The following ADAMTS17 variants were observed in gnomAD, a reference collection of about 807,000 sequenced individuals.
ADAMTS17 encodes the protein A disintegrin and metalloproteinase with thrombospondin motifs 17.
A neutral mutation model predicts 141.5 loss-of-function variants in ADAMTS17; 113 were observed. The observed-to-expected ratio is 0.80, with a 90% confidence interval of 0.69 to 0.93. The LOEUF (loss-of-function observed/expected upper bound fraction) is 0.93. Ranked by LOEUF, ADAMTS17 falls within the 40% of genes least tolerant of loss-of-function variation. The pLI, the probability that ADAMTS17 is intolerant of heterozygous loss-of-function variation, is 0.00. For synonymous variants in ADAMTS17, 768 were observed against 630.6 expected (o/e 1.22, Z -3.27); for missense variants, 1,659 against 1,517.9 (o/e 1.09, Z -1.54).
At position 100,264,783 on chromosome 15, in the gene ADAMTS17, G is replaced by C. The variant is rs141743155; in HGVS notation, c.790-2348C>G. On this transcript the variant is annotated intron_variant, in intron 4 of 21. Transcript: ENST00000268070. ...CTAAAAAGGTGAGAGATGGAAGGGGGATGGGAAAGTTTCGTGTTCCAGGGG... is the reference window on the plus strand; with the variant it reads ...CTAAAAAGGTGAGAGATGGAAGGGGCATGGGAAAGTTTCGTGTTCCAGGGG... Among the ~76,000 whole-genome samples the C allele has an allele frequency of 4.7e-4, 71 of 152,144 alleles. No homozygotes were observed. The East Asian group carries it at 0.011, about 24-fold the overall frequency.
intron 8 of ADAMTS17, among the ~76,000 whole-genome samples, chr15:100,186,875 G>C (rs1467465855): frequency 2.0e-5 from 3 of 152,172 alleles, no homozygotes; most frequent in Non-Finnish European, 4.4e-5. Context: ...TTTCCTATAA[G>C]CAATATTAAT....
rs550520808 is a variant in ADAMTS17 at position 100,126,854 on chromosome 15, C to G, written c.1721+5153G>C. Among the ~76,000 whole-genome samples the G allele has an allele frequency of 3.3e-5, 5 of 152,302 alleles. No homozygotes were observed. The East Asian group carries it at 7.7e-4, about 24-fold the overall frequency. Reference sequence around the variant, plus strand: ...CTGTCCCGGGCCTGCACAGAGCTCTCAGCTCAAAGGCCAGTGGGGAGGACA... The same window carrying G: ...CTGTCCCGGGCCTGCACAGAGCTCTGAGCTCAAAGGCCAGTGGGGAGGACA... On this transcript the variant is annotated intron_variant, in intron 12 of 21. Coordinates refer to ENST00000268070, the MANE Select transcript of ADAMTS17 (RefSeq NM_139057.4).
chr15:100,291,423 C>T (rs2044621050), intron 3 of ADAMTS17, among the ~76,000 whole-genome samples: 2 of 152,166 alleles, frequency 1.3e-5, no homozygotes, highest in Non-Finnish European at 2.9e-5. Flanking sequence ...GTTTCAGCTA[C>T]TATGAAAATA....
chr15:100,060,794 C>G (rs1459197556), intron 15 of ADAMTS17, among the ~76,000 whole-genome samples: 2 of 152,240 alleles, frequency 1.3e-5, no homozygotes, highest in Non-Finnish European at 2.9e-5. Flanking sequence ...CCAGCGTGGG[C>G]TGAAGGTAGG....
chr15:99,978,234 AG>A (rs375465388), intron 20 of ADAMTS17, among the ~76,000 whole-genome samples: 169 of 152,256 alleles, frequency 1.1e-3, no homozygotes, highest in African/African-American at 3.8e-3. Flanking sequence ...GTCTGCTCCC[AG>A]GGGGGCTTCT....
intron 8 of ADAMTS17, among the ~76,000 whole-genome samples, chr15:100,178,894 G>C (rs1314896215): frequency 6.6e-6 from 1 of 152,102 alleles, no homozygotes; most frequent in Non-Finnish European, 1.5e-5. Context: ...TATGATTTCA[G>C]ATGAGAAACC....
At chr15:100,230,969 T>C (rs1039399392) in intron 7 of ADAMTS17, among the ~76,000 whole-genome samples, 5 of 152,134 alleles carry the variant, frequency 3.3e-5, no homozygotes, top group African/African-American at 4.8e-5. Context: ...AAGCAAGGTA[T>C]GTCTTGGAAG....
At chr15:100,001,027 G>A (rs1392190353) in intron 18 of ADAMTS17, among the ~76,000 whole-genome samples, 1 of 151,716 alleles carries the variant, frequency 6.6e-6, no homozygotes, top group African/African-American at 2.4e-5. Flanking sequence ...CCTGCTGGGG[G>A]CTATGGTCAA....
intron 7 of ADAMTS17, among the ~76,000 whole-genome samples, chr15:100,227,485 T>C (rs919745495): frequency 1.3e-5 from 2 of 152,146 alleles, no homozygotes; most frequent in Non-Finnish European, 1.5e-5. Flanking sequence ...TAGAAAACAA[T>C]GGTTTAATCA....
At chr15:100,116,808 C>T (rs1377499168) in intron 13 of ADAMTS17, 39 bp downstream of exon 13, 1 of 1,613,678 alleles carries the variant, frequency 6.2e-7, no homozygotes, top group South Asian at 1.1e-5. Context: ...TAGGGGAGGA[C>T]AGGAGGCTGC....
At chr15:100,315,402 T>G (rs989700001) in intron 3 of ADAMTS17, among the ~76,000 whole-genome samples, 3 of 151,674 alleles carry the variant, frequency 2.0e-5, no homozygotes, top group African/African-American at 4.8e-5. Flanking sequence ...TCAAGGAGGG[T>G]GGCTGTGTGA....
intron 7 of ADAMTS17, among the ~76,000 whole-genome samples, chr15:100,229,950 C>T (rs549107429): frequency 1.3e-5 from 2 of 152,266 alleles, no homozygotes; most frequent in African/African-American, 4.8e-5. Flanking sequence ...GAAAGCCTGC[C>T]TGTGTTGGCC....
chr15:100,321,243 T>C (rs1229518635), intron 3 of ADAMTS17, among the ~76,000 whole-genome samples: 1 of 151,290 alleles, frequency 6.6e-6, no homozygotes, highest in African/African-American at 2.5e-5. Context: ...GAAGGGGAAA[T>C]TTTTTTTAAA....
chr15:100,097,081 A>G lies in ADAMTS17; in HGVS notation c.2017-605T>C, dbSNP rs558359097. On this transcript the variant is annotated intron_variant, in intron 14 of 21. Coordinates refer to ENST00000268070, the MANE Select transcript of ADAMTS17 (RefSeq NM_139057.4). ...TTTTCAACAAGGCACGTCTGAGAGCAGAGGAGAGGCTGCCTCTACCCTAGG... is the reference window on the plus strand; with the variant it reads ...TTTTCAACAAGGCACGTCTGAGAGCGGAGGAGAGGCTGCCTCTACCCTAGG... Among the ~76,000 whole-genome samples, 5 of 152,358 alleles carry G rather than the reference A, an allele frequency of 3.3e-5. No homozygotes were observed. The South Asian group carries it at 8.3e-4, about 25-fold the overall frequency.
At chr15:100,254,028 A>C (rs2043243935) in intron 7 of ADAMTS17, 108 bp downstream of exon 7, 2 of 1,042,020 alleles carry the variant, frequency 1.9e-6, no homozygotes, top group South Asian at 1.3e-5. Flanking sequence ...AAGGCAACAG[A>C]ATGTGCAGTG....
intron 10 of ADAMTS17, among the ~76,000 whole-genome samples, chr15:100,138,513 A>G (rs546019904): frequency 6.6e-5 from 10 of 152,246 alleles, no homozygotes; most frequent in Non-Finnish European, 1.3e-4. Context: ...AAGAAAATCA[A>G]TGGATTTTGA....
At chr15:100,014,491 T>C (rs371286690) in intron 18 of ADAMTS17, among the ~76,000 whole-genome samples, 2 of 152,202 alleles carry the variant, frequency 1.3e-5, no homozygotes, top group African/African-American at 2.4e-5. Context: ...CTGATGTAGA[T>C]GTTTAGGGCT....
chr15:100,199,519 C>A (rs2041242212), intron 7 of ADAMTS17, 96 bp from the exon 8 acceptor site: 2 of 1,004,934 alleles, frequency 2.0e-6, no homozygotes, highest in Non-Finnish European at 1.6e-6. Flanking sequence ...ACAATCAAGG[C>A]AGGCACACGG....
intron 9 of ADAMTS17, among the ~76,000 whole-genome samples, chr15:100,153,149 C>A (rs1051194480): frequency 2.6e-5 from 4 of 152,206 alleles, no homozygotes; most frequent in African/African-American, 4.8e-5. Flanking sequence ...AGAACAAGTA[C>A]AAGTTAGACT....
Sources: allele counts gnomAD v4.1 joint callset (sites outside exome capture counted in the v4.1 genomes callset), GRCh38; gene constraint gnomAD v4.1.1; transcripts MANE v1.5; gene names NCBI Gene and HGNC (gene_info 2026-07-23, HGNC 2026-07-21).